The following TMEM59 variants were observed in gnomAD, a reference collection of about 807,000 sequenced individuals.
TMEM59 encodes the protein dendritic cell factor 1.
In TMEM59, 44 loss-of-function variants were observed where a neutral mutation model predicts 42.2. That is an observed-to-expected ratio of 1.04 (90% CI 0.82 to 1.34). The LOEUF is 1.34. TMEM59 is among the 40% of genes most tolerant of loss of function. The pLI, the probability that TMEM59 is intolerant of heterozygous loss-of-function variation, is 0.00. For synonymous variants in TMEM59, 148 were observed against 145.8 expected, an observed-to-expected ratio of 1.02 and a Z score of -0.11; for missense variants, 359 against 382.8, an observed-to-expected ratio of 0.94 and a Z score of 0.52.
intron 3 of TMEM59, chr1:54,044,699 T>A (rs958679688): frequency 8.5e-5 from 13 of 152,048 alleles, no homozygotes; most frequent in Non-Finnish European, 1.6e-4. Context: ...CCCTATGATT[T>A]TATTCTACAG....
At chr1:54,045,623 A>T in intron 3 of TMEM59, 69 bp downstream of exon 3, 1 of 1,449,206 alleles carries the variant, frequency 6.9e-7, no homozygotes, top group African/African-American at 1.4e-5. Context: ...AGTGGGTGAT[A>T]AACACTTCAA....
intron 2 of TMEM59, 85 bp downstream of exon 2, chr1:54,047,182 C>G: frequency 2.7e-6 from 3 of 1,130,738 alleles, no homozygotes. Flanking sequence ...AGTGTGTTTT[C>G]CATTTCCTAA....
Position 54,031,896 on chromosome 1 carries a change from A to G in TMEM59, c.*254T>C, listed in dbSNP as rs990790882. On this transcript the variant is annotated 3_prime_UTR_variant, in exon 8 of 8. Transcript: ENST00000234831. Reference sequence around the variant, plus strand: ...ATAGCTAAGAAAAGGGAAAAAAACAATAACCAAAGCAAAAAACAAAATAGC... The same window carrying G: ...ATAGCTAAGAAAAGGGAAAAAAACAGTAACCAAAGCAAAAAACAAAATAGC... The G allele has an allele frequency of 6.6e-6, 2 of 304,688 alleles. No homozygotes were observed. The highest frequency in any genetic ancestry group is 6.0e-6 in the Non-Finnish European group (1 of 167,682). 18.9% of individuals were successfully genotyped at this position (304,688 alleles called of 1,614,324 possible). A position where few individuals can be genotyped will look rare whatever the true frequency, so the allele number is the denominator to read the frequency against.
At chr1:54,035,183 T>TA (rs1010608463) in intron 7 of TMEM59, among the ~76,000 whole-genome samples, 11 of 152,236 alleles carry the variant, frequency 7.2e-5, no homozygotes, top group African/African-American at 2.4e-4. Context: ...ATATTAAGTG[T>TA]AATATTATCT....
rs41294776 is a variant in TMEM59 at position 54,053,052 on chromosome 1, G to A, written c.137C>T (p.Ala46Val). Residue 46 changes from alanine (A) to valine (V), a missense_variant, in exon 1 of 8, where the codon GCG (alanine) becomes GTG (valine). By Grantham distance (64) the Ala-to-Val change is moderately conservative. Coordinates refer to ENST00000234831, the MANE Select transcript of TMEM59 (RefSeq NM_004872.5). ...CAACTGACAGGCCCGGTGGCAAGAC[G>A]CCGTATCACCCAAGACCGAGTCAAA... The part of the protein sequence containing the change: ...EAFDSVLGDT[A>V]SCHRACQLTY... The A allele has an allele frequency of 0.011, 18,380 of 1,614,126 alleles. 187 individuals carry two copies. The highest frequency in any genetic ancestry group is 0.067 in the Middle Eastern group (406 of 6,062).
At chr1:54,047,040 T>C (rs1435348831) in intron 2 of TMEM59, among the ~76,000 whole-genome samples, 2 of 152,160 alleles carry the variant, frequency 1.3e-5, no homozygotes, top group Admixed American at 6.5e-5. Context: ...AACAAAGGTG[T>C]CCTATTCATA....
chr1:54,038,713 A>C (rs746094805), intron 6 of TMEM59, among the ~76,000 whole-genome samples: 2 of 152,222 alleles, frequency 1.3e-5, no homozygotes, highest in Non-Finnish European at 2.9e-5. Context: ...TTAGGTTTGA[A>C]TGCTAACATA....
At chr1:54,033,393 G>T (rs1028899541) in intron 7 of TMEM59, 4 of 151,892 alleles carry the variant, frequency 2.6e-5, no homozygotes, top group African/African-American at 9.7e-5. Context: ...TTCAGGTCAG[G>T]AGCTCGAGAC....
chr1:54,032,522 C>T (rs1006794806), intron 7 of TMEM59, among the ~76,000 whole-genome samples: 2 of 152,222 alleles, frequency 1.3e-5, no homozygotes, highest in African/African-American at 4.8e-5. Context: ...AGTTAAAATC[C>T]TCAGGAGTAT....
Position 54,031,617 on chromosome 1 carries a change from T to G in TMEM59, c.*533A>C, listed in dbSNP as rs2100292557. The G allele has an allele frequency of 1.3e-5, 2 of 152,808 alleles. No homozygotes were observed. Among genetic ancestry groups the G allele is most frequent in the Middle Eastern group, 3.4e-3 (1 of 294 alleles). 9.5% of individuals were successfully genotyped at this position (152,808 alleles called of 1,614,324 possible). On this transcript the variant is annotated 3_prime_UTR_variant, in exon 8 of 8. Transcript: ENST00000234831. ...GAACATTTCATAATTCTTATCTAGG[T>G]TGGGCAGGAATAGGAGGGAAGGTCT... is the stretch of plus-strand genomic sequence containing the variant.
chr1:54,032,433 A>G, intron 7 of TMEM59, 128 bp from the exon 8 acceptor site: 1 of 957,048 alleles, frequency 1.0e-6, no homozygotes, highest in Non-Finnish European at 1.4e-6. Flanking sequence ...TTAAGAAAGA[A>G]GAATACTTTT....
chr1:54,037,618 G>A (rs1016057051), intron 6 of TMEM59, among the ~76,000 whole-genome samples: 2 of 152,150 alleles, frequency 1.3e-5, no homozygotes, highest in Non-Finnish European at 2.9e-5. Context: ...ATCCAACACT[G>A]CCTAGTAAGA....
intron 4 of TMEM59, among the ~76,000 whole-genome samples, 158 bp downstream of exon 4, chr1:54,043,215 G>A (rs1657202552): frequency 6.6e-6 from 1 of 152,130 alleles, no homozygotes; most frequent in Non-Finnish European, 1.5e-5. Flanking sequence ...TAATAAAACT[G>A]ATGTCTAATA....
intron 1 of TMEM59, chr1:54,048,569 A>C (rs1011081510): frequency 2.8e-6 from 1 of 352,204 alleles, no homozygotes; most frequent in Admixed American, 3.8e-5. Context: ...TAATAAGACT[A>C]ATGTCTTCAG....
At chr1:54,050,726 A>AT (rs1420538105) in intron 1 of TMEM59, among the ~76,000 whole-genome samples, 2 of 149,776 alleles carry the variant, frequency 1.3e-5, no homozygotes, top group African/African-American at 2.5e-5. Context: ...GACTGGCTAA[A>AT]TTTTTTTGTA....
intron 1 of TMEM59, 54 bp from the exon 2 acceptor site, chr1:54,047,426 C>T (rs1569964747): frequency 1.4e-6 from 2 of 1,389,286 alleles, no homozygotes; most frequent in East Asian, 4.6e-5. Flanking sequence ...TTTTTTTCCT[C>T]AGGGGAAAAC....
chr1:54,045,104 T>G (rs1425381717), intron 3 of TMEM59, among the ~76,000 whole-genome samples: 1 of 152,142 alleles, frequency 6.6e-6, no homozygotes, highest in African/African-American at 2.4e-5. Flanking sequence ...AGTATGAAAT[T>G]CCCTTGTCAG....
chr1:54,047,455 T>A, intron 1 of TMEM59, 83 bp from the exon 2 acceptor site: 1 of 1,080,786 alleles, frequency 9.3e-7, no homozygotes, highest in East Asian at 2.5e-5. Context: ...AAGAAAGCAG[T>A]TAGTAAAGTT....
chr1:54,046,448 T>C (rs1383698267), intron 2 of TMEM59, among the ~76,000 whole-genome samples: 3 of 152,196 alleles, frequency 2.0e-5, no homozygotes, highest in Non-Finnish European at 2.9e-5. Flanking sequence ...TTAAATCCAT[T>C]TCCTTCTTGT....
Sources: allele counts gnomAD v4.1 joint callset (sites outside exome capture counted in the v4.1 genomes callset), GRCh38; gene constraint gnomAD v4.1.1; transcripts MANE v1.5; gene names NCBI Gene and HGNC (gene_info 2026-07-23, HGNC 2026-07-21).